The following DMWD variants were observed in gnomAD, a reference collection of about 807,000 sequenced individuals.
DMWD encodes the protein DM1 locus, WD repeat containing.
Under a neutral mutation model 45.8 loss-of-function variants are expected in DMWD, and 19 were observed. The observed-to-expected ratio is 0.41, with a 90% CI of 0.29 to 0.61. The LOEUF (loss-of-function observed/expected upper bound fraction) is 0.61, where lower values mean the gene tolerates loss of function less well. Among genes scored for constraint, DMWD ranks in the 20% least tolerant of loss-of-function variants. The pLI is 0.25. For synonymous variants in DMWD, 515 were observed against 440.5 expected (o/e 1.17, Z -2.12); for missense variants, 802 against 965.2 (o/e 0.83, Z 2.24).
In DMWD at chr19:45,786,614, G is replaced by T; in HGVS notation, c.882C>A (p.Pro294=). The stretch of plus-strand genomic sequence containing the variant: ...TCACACAGGCCAGGTGCCGGCCATC[G>T]GGCGAGAAGGCGAACTCGTTGAGGG... ...EGPLNEFAFS[P]DGRHLACVSQ... The change falls in exon 3 of 5, where the codon CCC becomes CCA. Residue 294 remains proline (P), a synonymous_variant. Coordinates refer to ENST00000270223, the MANE Select transcript of DMWD (RefSeq NM_004943.2). 6.2e-7 allele frequency: 1 copy of T among 1,613,610 alleles called. No individual in the cohort carries two copies. Among genetic ancestry groups the T allele is most frequent in the Non-Finnish European group, 8.5e-7 (1 of 1,179,756 alleles).
At chr19:45,784,864 C>T (rs1459267573) in intron 3 of DMWD, 149 bp from the exon 4 acceptor site, 26 of 1,344,838 alleles carry the variant, frequency 1.9e-5, no homozygotes, top group South Asian at 6.3e-5. Flanking sequence ...AACCAAGCCA[C>T]GGCCTCCAGG....
At chr19:45,791,200 G>A in intron 1 of DMWD, 113 bp from the exon 2 acceptor site, 1 of 1,120,390 alleles carries the variant, frequency 8.9e-7, no homozygotes. Context: ...CCAGAGGGAA[G>A]TGGGGAGGTG....
intron 3 of DMWD, chr19:45,785,271 T>TA (rs1473677330): frequency 1.8e-6 from 2 of 1,125,262 alleles, no homozygotes; most frequent in Non-Finnish European, 2.2e-6. Context: ...TCAACAGAAA[T>TA]AGATTCTGGT....
rs746686930 is a variant in DMWD at position 45,784,221 on chromosome 19, G to C, written c.*22C>G. On this transcript the variant is annotated 3_prime_UTR_variant, in exon 5 of 5. Transcript: ENST00000270223. ...CTAGGAGGCTGGGGGCATGGGGTTG[G>C]GGGGGCCCGATATCCATGGCTTCAC... 5.7e-6 allele frequency: 9 copies of C among 1,565,798 alleles called. No individual in the cohort carries two copies. Among genetic ancestry groups the C allele is most frequent in the Non-Finnish European group, 6.9e-6 (8 of 1,157,808 alleles).
At position 45,786,421 on chromosome 19, in the gene DMWD, G is replaced by C; in HGVS notation, c.1075C>G (p.Arg359Gly). The C allele has an allele frequency of 6.2e-7, 1 of 1,613,356 alleles. No homozygotes were observed. The highest frequency in any genetic ancestry group is 8.5e-7 in the Non-Finnish European group (1 of 1,179,586). ...LVTVWSFTEG[R>G]VVARGHGHKS... is the part of the protein sequence containing the mutation. ...TGGCCATGGCCTCGAGCCACCACGC[G>C]GCCCTCGGTGAAGGACCACACGGTG... The change falls in exon 3 of 5, where the codon CGC (arginine) becomes GGC (glycine). Residue 359 changes from arginine (R) to glycine (G), a missense_variant. By Grantham distance (125) the Arg-to-Gly change is moderately radical. Coordinates refer to ENST00000270223, the MANE Select transcript of DMWD (RefSeq NM_004943.2).
intron 4 of DMWD, 175 bp downstream of exon 4, chr19:45,784,466 G>T: frequency 7.7e-7 from 1 of 1,303,146 alleles, no homozygotes; most frequent in Non-Finnish European, 1.0e-6. Flanking sequence ...TTGCATCTTA[G>T]CTAGCTTCCT....
Position 45,790,963 on chromosome 19 carries a change from C to T in DMWD, c.566G>A (p.Gly189Asp). ...TISLLVGFSA[G>D]QVQYLDLIKK... Reference sequence around the variant, plus strand: ...GATGAGATCCAGGTACTGCACTTGACCCGCTGAGAAGCCCACCAGCAGCGA... The same window carrying T: ...GATGAGATCCAGGTACTGCACTTGATCCGCTGAGAAGCCCACCAGCAGCGA... The change falls in exon 2 of 5, where the codon GGT (glycine) becomes GAT (aspartate). Residue 189 changes from glycine to aspartate, a missense_variant. Around this residue, in one of 9 missense-constraint regions of DMWD, gnomAD observed 38 missense variants for 76.1 expected, o/e 0.50. Transcript: ENST00000270223. 1 of 1,613,704 alleles carries T rather than the reference C, an allele frequency of 6.2e-7. No individual in the cohort carries two copies. Among genetic ancestry groups the T allele is most frequent in the Non-Finnish European group, 8.5e-7 (1 of 1,179,920 alleles).
intron 2 of DMWD, chr19:45,789,553 C>T (rs187913529): frequency 6.6e-6 from 1 of 152,392 alleles, no homozygotes; most frequent in African/African-American, 2.4e-5. Flanking sequence ...GAATGGTCAC[C>T]TTCCCAAAGT....
chr19:45,791,133 AGAAG>A (rs1970352364), intron 1 of DMWD, 46 bp from the exon 2 acceptor site: 2 of 1,544,206 alleles, frequency 1.3e-6, no homozygotes, highest in African/African-American at 2.7e-5. Flanking sequence ...GCCACTGAGG[AGAAG>A]GAAGAGGATG....
In DMWD at chr19:45,786,685, T is replaced by C; in HGVS notation, c.811A>G (p.Lys271Glu). 1 of 1,610,922 alleles carries C rather than the reference T, an allele frequency of 6.2e-7. No homozygotes were observed. The highest frequency in any genetic ancestry group is 1.1e-5 in the South Asian group (1 of 91,006). The change falls in exon 3 of 5, where the codon AAG becomes GAG. Residue 271 changes from lysine to glutamate, a missense_variant. Coordinates refer to ENST00000270223, the MANE Select transcript of DMWD (RefSeq NM_004943.2). ...EGFSVYAAKS[K>E]APRNPLAKWA... ...TTGGCCAGCGGGTTGCGGGGTGCCT[T>C]GCTCTTGGCAGCATAGACAGAGAAG... is the stretch of plus-strand genomic sequence containing the variant.
chr19:45,786,548 C>A lies in DMWD; in HGVS notation c.948G>T (p.Met316Ile). 1 of 1,614,106 alleles carries A rather than the reference C, an allele frequency of 6.2e-7. No homozygotes were observed. Among genetic ancestry groups the A allele is most frequent in the Middle Eastern group, 1.6e-4 (1 of 6,062 alleles). ...GCLRVFHFDS[M>I]LLRGLMKSYF... Reference sequence around the variant, plus strand: ...AGCTCTTCATGAGCCCACGCAGGAGCATGGAGTCGAAGTGGAAGACGCGCA... The same window carrying A: ...AGCTCTTCATGAGCCCACGCAGGAGAATGGAGTCGAAGTGGAAGACGCGCA... Residue 316 changes from methionine (M) to isoleucine (I), a missense_variant, in exon 3 of 5, where the codon ATG (methionine) becomes ATT (isoleucine). Transcript: ENST00000270223.
chr19:45,784,289 C>T lies in DMWD; in HGVS notation c.1979G>A (p.Gly660Asp). 2 of 1,511,166 alleles carry T rather than the reference C, an allele frequency of 1.3e-6. No individual in the cohort carries two copies. The highest frequency in any genetic ancestry group is 1.3e-5 in the South Asian group (1 of 74,566). 93.6% of individuals were successfully genotyped at this position (1,511,166 alleles called of 1,614,324 possible). ...GGAGTTGCCTGGTTGGGAGGAGATG[C>T]CCTGGGGAAGATGAGAGGGAGAGAT... The part of the protein sequence containing the change: ...PRSPSKSVVE[G>D]ISSQPGNSPS... Residue 660 changes from glycine (G) to aspartate (D), a missense_variant and splice_region_variant, in exon 5 of 5, where the codon GGC becomes GAC. Gly to Asp is a moderately conservative substitution (Grantham distance 94). Transcript: ENST00000270223.
Position 45,786,349 on chromosome 19 carries a change from C to A in DMWD, c.1147G>T (p.Ala383Ser). 1.2e-6 allele frequency: 2 copies of A among 1,610,900 alleles called. No individual in the cohort carries two copies. The highest frequency in any genetic ancestry group is 8.5e-7 in the Non-Finnish European group (1 of 1,178,080). The change falls in exon 3 of 5, where the codon GCA (alanine) becomes TCA (serine). Residue 383 changes from alanine (A) to serine (S), a missense_variant. By Grantham distance (99) the Ala-to-Ser change is moderately conservative. This residue lies in a region of DMWD where 146 missense variants were observed against 212.8 expected (regional missense o/e 0.69). Coordinates refer to ENST00000270223, the MANE Select transcript of DMWD (RefSeq NM_004943.2). ...AVAFDPYTTR[A>S]EEAATAAGAD... ...CCGGCTGCTGTCGCCGCCTCCTCTG[C>A]CCTTGTGGTGTAGGGGTCAAAGGCC...
Position 45,783,656 on chromosome 19 carries a change from A to T in DMWD, c.*587T>A, listed in dbSNP as rs1970216536. 2.2e-5 allele frequency: 9 copies of T among 400,962 alleles called. No homozygotes were observed. The allele number at this position is 400,962 out of a possible 1,614,324, so 24.8% of individuals were successfully genotyped here. On this transcript the variant is annotated 3_prime_UTR_variant, in exon 5 of 5. Transcript: ENST00000270223. ...CAGGCCTGCACTCCTCCTCTGGGGA[A>T]AGCGGACTGCCTAGAACCACAGAGT...
In DMWD at chr19:45,785,623, T is replaced by G; in HGVS notation, c.1873A>C (p.Ile625Leu). ...TTGCCCGGCCGGGCCCAGGTGCAGA[T>G]GAGGCCCTCCTGGCAGGCAGTGATG... is the stretch of plus-strand genomic sequence containing the variant. Reference protein sequence around the residue: ...CIITACQEGLICTWARPGKAF... With the variant: ...CIITACQEGLLCTWARPGKAF... Residue 625 changes from isoleucine (I) to leucine (L), a missense_variant, in exon 3 of 5, where the codon ATC becomes CTC. By Grantham distance (5) the Ile-to-Leu change is conservative. Transcript: ENST00000270223. The G allele has an allele frequency of 6.5e-7, 1 of 1,529,716 alleles. No individual in the cohort carries two copies. Among genetic ancestry groups the G allele is most frequent in the Non-Finnish European group, 8.8e-7 (1 of 1,133,762 alleles). 94.8% of individuals were successfully genotyped at this position (1,529,716 alleles called of 1,614,324 possible). A position where few individuals can be genotyped will look rare whatever the true frequency, so the allele number is the denominator to read the frequency against.
intron 3 of DMWD, 95 bp from the exon 4 acceptor site, chr19:45,784,810 C>T (rs1970249400): frequency 6.5e-7 from 1 of 1,535,618 alleles, no homozygotes. Context: ...CTCTCAAGTT[C>T]TAGGGACTCA....
chr19:45,784,680 T>C lies in DMWD; in HGVS notation c.1938A>G (p.Glu646=), dbSNP rs1261687963. The C allele has an allele frequency of 1.9e-6, 3 of 1,613,606 alleles. No individual in the cohort carries two copies. Among genetic ancestry groups the C allele is most frequent in the East Asian group, 2.2e-5 (1 of 44,874 alleles). ...TGCTGGGTGACCTGGGCCAACTTCCTTCCCCTGTCTGGGCCTCGGTCTCCT... is the reference window on the plus strand; with the variant it reads ...TGCTGGGTGACCTGGGCCAACTTCCCTCCCCTGTCTGGGCCTCGGTCTCCT... ...TDEETEAQTG[E]GSWPRSPSKS... The change falls in exon 4 of 5, where the codon GAA becomes GAG. Residue 646 remains glutamate, a synonymous_variant. Coordinates refer to ENST00000270223, the MANE Select transcript of DMWD (RefSeq NM_004943.2).
At chr19:45,791,129 GAGGAGAAGGA>G in intron 1 of DMWD, 42 bp from the exon 2 acceptor site, 9 of 1,552,666 alleles carry the variant, frequency 5.8e-6, no homozygotes, top group Non-Finnish European at 7.9e-6. Flanking sequence ...GTATGCCACT[GAGGAGAAGGA>G]AGAGGATGTT....
At position 45,785,731 on chromosome 19, in the gene DMWD, C is replaced by T. The variant is rs1211084583; in HGVS notation, c.1765G>A (p.Glu589Lys). 3 of 1,607,144 alleles carry T rather than the reference C, an allele frequency of 1.9e-6. No individual in the cohort carries two copies. Among genetic ancestry groups the T allele is most frequent in the Non-Finnish European group, 2.6e-6 (3 of 1,175,830 alleles). ...LGTALCPRIHEVPLLEPLVCK... is the reference protein window; with the variant it reads ...LGTALCPRIHKVPLLEPLVCK... ...ACAAGGGGCTCCAGCAGGGGCACCT[C>T]GTGGATGCGCGGGCACAGCGCAGTG... Residue 589 changes from glutamate to lysine, a missense_variant, in exon 3 of 5, where the codon GAG becomes AAG. Around this residue, in one of 9 missense-constraint regions of DMWD, gnomAD observed 303 missense variants for 332.9 expected, o/e 0.91. Coordinates refer to ENST00000270223, the MANE Select transcript of DMWD (RefSeq NM_004943.2).
Sources: gnomAD v4.1 joint callset for allele counts on GRCh38, gnomAD v4.1.1 for gene constraint, gnomAD v4.1.1 regional missense constraint, MANE v1.5 for transcripts, NCBI Gene and HGNC (gene_info 2026-07-23, HGNC 2026-07-21) for gene names.